The following MAB21L4 variants were observed in gnomAD, a reference collection of about 807,000 sequenced individuals.
MAB21L4 encodes the protein protein mab-21-like 4.
Under a neutral mutation model 32.4 loss-of-function variants are expected in MAB21L4, and 25 were observed. The ratio of observed to expected loss-of-function variants is 0.77; its 90% CI spans 0.56 to 1.08. The LOEUF is 1.08. Ranked by LOEUF, MAB21L4 falls within the 50% of genes least tolerant of loss-of-function variation. MAB21L4 has a pLI of 0.00. For missense variants in MAB21L4, 638 were observed against 611.0 expected, an observed-to-expected ratio of 1.04 and a Z score of -0.47; for synonymous variants, 280 against 276.8, an observed-to-expected ratio of 1.01 and a Z score of -0.11.
At chr2:240,887,903 G>GA (rs985439389) in intron 4 of MAB21L4, among the ~76,000 whole-genome samples, 6 of 152,048 alleles carry the variant, frequency 3.9e-5, no homozygotes, top group African/African-American at 1.4e-4. Flanking sequence ...AGTCCAGGGA[G>GA]AAAAAAATGG....
At chr2:240,892,025 G>A in intron 1 of MAB21L4, 1 of 1,489,550 alleles carries the variant, frequency 6.7e-7, no homozygotes. Context: ...TCAGCGACTT[G>A]CAGCACCAGT....
At chr2:240,888,201 T>C (rs6707763) in intron 4 of MAB21L4, 91 bp downstream of exon 4, 414,833 of 1,068,720 alleles carry the variant, frequency 0.39, 82,167 homozygotes, top group African/African-American at 0.46. Flanking sequence ...GCTGCTGACC[T>C]GGGAGAGAAT....
At chr2:240,892,744 C>A (rs1456543825) in intron 1 of MAB21L4, among the ~76,000 whole-genome samples, 1 of 152,214 alleles carries the variant, frequency 6.6e-6, no homozygotes, top group Non-Finnish European at 1.5e-5. Flanking sequence ...TGGCCCCTGT[C>A]CCCCACAGGA....
In MAB21L4 at chr2:240,888,381, T is replaced by C. The variant is rs11899555; in HGVS notation, c.1162A>G (p.Ile388Val). 0.12 allele frequency: 185,217 copies of C among 1,563,292 alleles called. 16,386 individuals are homozygous for C. Among genetic ancestry groups the C allele is most frequent in the African/African-American group, 0.48 (34,967 of 72,288 alleles). ...AGGAGCGCCTTGAGCCCGGAGCCGA[T>C]GCGCGGCGGGGGGCTGCGGCCCAGG... is the stretch of plus-strand genomic sequence containing the variant. Reference protein sequence around the residue: ...THLGRSPPPRIGSGLKALLQL... With the variant: ...THLGRSPPPRVGSGLKALLQL... The change falls in exon 4 of 5, where the codon ATC (isoleucine) becomes GTC (valine). Residue 388 changes from isoleucine to valine, a missense_variant. Transcript: ENST00000388934.
chr2:240,893,937 C>T (rs1221954557), intron 1 of MAB21L4, among the ~76,000 whole-genome samples: 2 of 151,688 alleles, frequency 1.3e-5, no homozygotes, highest in East Asian at 1.9e-4. Flanking sequence ...GCAGGAAGCC[C>T]GAGGGGCTGG....
chr2:240,896,515 AC>A (rs1316442550), upstream of MAB21L4, among the ~76,000 whole-genome samples: 1 of 151,930 alleles, frequency 6.6e-6, no homozygotes, highest in Non-Finnish European at 1.5e-5. Context: ...AACACAAGGC[AC>A]CCCGTGGCTC....
At position 240,890,120 on chromosome 2, in the gene MAB21L4, TCC is replaced by T; in HGVS notation, c.777_778del (p.Glu260AlafsTer25). 1 of 1,611,134 alleles carries T rather than the reference TCC, an allele frequency of 6.2e-7. No individual in the cohort carries two copies. The highest frequency in any genetic ancestry group is 1.1e-5 in the South Asian group (1 of 90,938). On this transcript the variant is annotated frameshift_variant, in exon 3 of 5. Transcript: ENST00000388934. LOFTEE classifies it high-confidence loss of function. ...GCGATGACCCTGCAGGGAGCCCAGCTCCCCCAGCAGCCTCGTGAGCAGGTAGT... is the reference window on the plus strand; with the variant it reads ...GCGATGACCCTGCAGGGAGCCCAGCTCCCAGCAGCCTCGTGAGCAGGTAGT...
chr2:240,887,431 G>A (rs544985165), intron 4 of MAB21L4, among the ~76,000 whole-genome samples: 14 of 152,318 alleles, frequency 9.2e-5, no homozygotes, highest in African/African-American at 2.6e-4. Flanking sequence ...GGCTGCCTCC[G>A]GTGACCACCC....
Position 240,891,711 on chromosome 2 carries a change from C to T in MAB21L4, c.567G>A (p.Leu189=). Residue 189 remains leucine (L), a synonymous_variant, in exon 2 of 5, where the codon CTG becomes CTA. Coordinates refer to ENST00000388934, the MANE Select transcript of MAB21L4 (RefSeq NM_001085437.3). ...TGATTGTTCTCCAGCCGCTGGACAC[C>T]AGCAAGGACAGGTGGAGCTGCTCCT... ...LREEQLHLSL[L]VSSGWRTISF... 6.2e-7 allele frequency: 1 copy of T among 1,610,060 alleles called. No individual in the cohort carries two copies. The highest frequency in any genetic ancestry group is 8.5e-7 in the Non-Finnish European group (1 of 1,179,956).
chr2:240,891,089 G>A (rs1314418521), intron 2 of MAB21L4, among the ~76,000 whole-genome samples: 1 of 152,160 alleles, frequency 6.6e-6, no homozygotes, highest in African/African-American at 2.4e-5. Flanking sequence ...ATTGGCTAGG[G>A]GTCTCCAGGG....
At chr2:240,891,478 G>A in intron 2 of MAB21L4, 60 bp downstream of exon 2, 2 of 1,452,842 alleles carry the variant, frequency 1.4e-6, no homozygotes, top group South Asian at 2.6e-5. Flanking sequence ...GGGAGCATGG[G>A]GGCAGTGGCC....
chr2:240,895,381 A>G (rs763420992), intron 1 of MAB21L4, 103 bp downstream of exon 1: 13 of 1,155,028 alleles, frequency 1.1e-5, no homozygotes, highest in Non-Finnish European at 1.3e-5. Flanking sequence ...GTGCACGTAC[A>G]TGGCAATCAC....
chr2:240,896,009 T>G lies in MAB21L4; in HGVS notation c.-12A>C, dbSNP rs758087208. 80 of 1,433,506 alleles carry G rather than the reference T, an allele frequency of 5.6e-5. No individual in the cohort carries two copies. In the East Asian group the frequency reaches 7.3e-4, roughly 13 times the overall value. 88.8% of individuals were successfully genotyped at this position (1,433,506 alleles called of 1,614,324 possible). A position where few individuals can be genotyped will look rare whatever the true frequency, so the allele number is the denominator to read the frequency against. On this transcript the variant is annotated 5_prime_UTR_variant, in exon 1 of 5. Coordinates refer to ENST00000388934, the MANE Select transcript of MAB21L4 (RefSeq NM_001085437.3). Reference sequence around the variant, plus strand: ...GCAGGGGCAGGCATCCCTTCAACAGTGGCAGGTGAGGGCCAGTGGCCCCTG... The same window carrying G: ...GCAGGGGCAGGCATCCCTTCAACAGGGGCAGGTGAGGGCCAGTGGCCCCTG...
intron 4 of MAB21L4, 94 bp from the exon 5 acceptor site, chr2:240,887,256 C>A (rs1415695576): frequency 4.8e-6 from 5 of 1,032,852 alleles, no homozygotes; most frequent in Non-Finnish European, 7.5e-6. Flanking sequence ...AACAACTGGC[C>A]CTCCCTGGGC....
In MAB21L4 at chr2:240,891,783, G is replaced by A. The variant is rs571841660; in HGVS notation, c.515-20C>T. The A allele has an allele frequency of 1.3e-5, 21 of 1,603,490 alleles. No homozygotes were observed. The highest frequency in any genetic ancestry group is 2.2e-5 in the East Asian group (1 of 44,704). ...GCGAACCTGCAAAGACCCAAGTCAC[G>A]CCGGCCCCTCGACTTGCCTCACCTG... On this transcript the variant is annotated intron_variant, in intron 1 of 4. Transcript: ENST00000388934.
At chr2:240,892,663 G>C (rs889982125) in intron 1 of MAB21L4, among the ~76,000 whole-genome samples, 1 of 152,062 alleles carries the variant, frequency 6.6e-6, no homozygotes, top group South Asian at 2.1e-4. Flanking sequence ...TCACAGTGAC[G>C]GAGCTCAGCC....
rs368268043 is a variant in MAB21L4 at position 240,891,988 on chromosome 2, G to A, written c.515-225C>T. ...AGCTGGCCACCATGCCTGCCCAATG[G>A]TGACAGTCCTCGGCACAACTGTCAG... is the stretch of plus-strand genomic sequence containing the variant. On this transcript the variant is annotated intron_variant, in intron 1 of 4. Coordinates refer to ENST00000388934, the MANE Select transcript of MAB21L4 (RefSeq NM_001085437.3). 2.9e-5 allele frequency: 45 copies of A among 1,530,496 alleles called. No homozygotes were observed. In the African/African-American group the frequency reaches 5.5e-4, roughly 19 times the overall value. The allele number at this position is 1,530,496 out of a possible 1,614,324, so 94.8% of individuals were successfully genotyped here. A position where few individuals can be genotyped will look rare whatever the true frequency, so the allele number is the denominator to read the frequency against.
intron 3 of MAB21L4, 57 bp from the exon 4 acceptor site, chr2:240,888,705 C>T (rs1241641192): frequency 7.8e-6 from 10 of 1,275,976 alleles, no homozygotes; most frequent in Admixed American, 5.8e-5. Flanking sequence ...ACCCTGTGCT[C>T]CCACCCTGCG....
chr2:240,890,127 G>T lies in MAB21L4; in HGVS notation c.772C>A (p.Leu258Met), dbSNP rs760724902. 5.6e-6 allele frequency: 9 copies of T among 1,610,834 alleles called. No homozygotes were observed. The highest frequency in any genetic ancestry group is 3.3e-5 in the Admixed American group (2 of 59,960). ...TSTDYLLTRLLGELGSLQGHR... is the reference protein window; with the variant it reads ...TSTDYLLTRLMGELGSLQGHR... Reference sequence around the variant, plus strand: ...CCCTGCAGGGAGCCCAGCTCCCCCAGCAGCCTCGTGAGCAGGTAGTCAGTG... The same window carrying T: ...CCCTGCAGGGAGCCCAGCTCCCCCATCAGCCTCGTGAGCAGGTAGTCAGTG... Residue 258 changes from leucine (L) to methionine (M), a missense_variant, in exon 3 of 5, where the codon CTG (leucine) becomes ATG (methionine). Leu to Met is a conservative substitution (Grantham distance 15). Transcript: ENST00000388934.
Sources: allele counts gnomAD v4.1 joint callset (sites outside exome capture counted in the v4.1 genomes callset), GRCh38; gene constraint gnomAD v4.1.1; transcripts MANE v1.5; gene names NCBI Gene and HGNC (gene_info 2026-07-23, HGNC 2026-07-21).